Variants in RANBP2 observed in about 807,000 individuals in gnomAD.
The protein encoded by RANBP2 is E3 SUMO-protein ligase RanBP2.
In RANBP2, 57 loss-of-function variants were observed where a neutral mutation model predicts 303.6. The observed-to-expected ratio is 0.19, with a 90% CI of 0.15 to 0.23. The LOEUF is 0.23. Ranked by LOEUF, RANBP2 falls within the 10% of genes least tolerant of loss-of-function variation. The pLI is 1.00. For synonymous variants in RANBP2, 1,167 were observed against 1,301.5 expected (o/e 0.90, Z 2.23); for missense variants, 3,138 against 3,780.8 (o/e 0.83, Z 4.46).
the RANBP2 span, among the ~76,000 whole-genome samples, chr2:109,213,365 G>C: frequency 6.6e-6 from 1 of 152,170 alleles, no homozygotes; most frequent in Non-Finnish European, 1.5e-5. Flanking sequence ...GATAACTGCT[G>C]GGTGACAGGA....
chr2:109,636,309 AT>A, the RANBP2 span, among the ~76,000 whole-genome samples: 199 of 151,098 alleles, frequency 1.3e-3, 1 homozygote, highest in South Asian at 5.7e-3. Flanking sequence ...GCATACCAAG[AT>A]TTTTTTTTTC....
chr2:109,000,006 A>G, the RANBP2 span, among the ~76,000 whole-genome samples: 3 of 152,314 alleles, frequency 2.0e-5, no homozygotes, highest in African/African-American at 7.2e-5. Flanking sequence ...GCCTTCTCTA[A>G]GTTTTAGACA....
At chr2:109,020,776 A>G in the RANBP2 span, among the ~76,000 whole-genome samples, 1 of 152,260 alleles carries the variant, frequency 6.6e-6, no homozygotes, top group African/African-American at 2.4e-5. Flanking sequence ...CAGTCAAGGT[A>G]TTAGTCCAAA....
At chr2:109,166,471 A>AAAG in the RANBP2 span, among the ~76,000 whole-genome samples, 24 of 151,526 alleles carry the variant, frequency 1.6e-4, no homozygotes, top group South Asian at 2.1e-4. Context: ...AAAAAAAAAA[A>AAAG]AAAGAAAGAA....
chr2:109,188,737 T>G, the RANBP2 span, among the ~76,000 whole-genome samples: 2 of 152,198 alleles, frequency 1.3e-5, no homozygotes, highest in African/African-American at 4.8e-5. Flanking sequence ...GTGTGTGCTT[T>G]GAGACTCTGA....
the RANBP2 span, chr2:109,605,608 T>A: frequency 6.6e-6 from 1 of 152,202 alleles, no homozygotes; most frequent in Non-Finnish European, 1.5e-5. Flanking sequence ...TACCTGAGGA[T>A]AAGCTAAATA....
the RANBP2 span, chr2:108,839,010 TA>T: frequency 4.4e-6 from 1 of 225,052 alleles, no homozygotes; most frequent in Non-Finnish European, 7.4e-6. Flanking sequence ...ATATAAGAAC[TA>T]AAATACATAT....
the RANBP2 span, among the ~76,000 whole-genome samples, chr2:109,668,345 G>A: frequency 1.0e-4 from 1 of 10,028 alleles, no homozygotes; most frequent in South Asian, 8.1e-4. Flanking sequence ...CATTAGGGGT[G>A]AATGTTAGTG....
chr2:108,803,133 A>G, the RANBP2 span, among the ~76,000 whole-genome samples: 5 of 152,182 alleles, frequency 3.3e-5, no homozygotes, highest in Admixed American at 6.5e-5. Flanking sequence ...TTGTGCAGGT[A>G]AAGAGGCATT....
At chr2:109,129,075 C>G in the RANBP2 span, 496 of 379,508 alleles carry the variant, frequency 1.3e-3, 2 homozygotes, top group Non-Finnish European at 1.4e-3. Context: ...GGAGGTGCCG[C>G]GGGGGCGGTG....
At chr2:108,865,398 G>GA in the RANBP2 span, among the ~76,000 whole-genome samples, 4 of 152,248 alleles carry the variant, frequency 2.6e-5, no homozygotes, top group Admixed American at 2.0e-4. Context: ...ATTTCATTAG[G>GA]ATCAGTTTCT....
the RANBP2 span, among the ~76,000 whole-genome samples, chr2:109,386,492 TC>T: frequency 6.6e-6 from 1 of 152,178 alleles, no homozygotes; most frequent in Non-Finnish European, 1.5e-5. Context: ...AGGCGGGCTG[TC>T]CCTCAAACAA....
chr2:108,846,752 A>G, the RANBP2 span: 1 of 1,610,410 alleles, frequency 6.2e-7, no homozygotes, highest in South Asian at 1.1e-5. Flanking sequence ...CGACTATGAC[A>G]TCAACATTGA....
At chr2:108,927,567 G>C in the RANBP2 span, among the ~76,000 whole-genome samples, 9 of 152,174 alleles carry the variant, frequency 5.9e-5, no homozygotes, top group Non-Finnish European at 1.3e-4. Context: ...AGCCAGGCCA[G>C]AGCCAGCAGC....
At chr2:108,941,143 G>A in the RANBP2 span, among the ~76,000 whole-genome samples, 1 of 152,228 alleles carries the variant, frequency 6.6e-6, no homozygotes, top group African/African-American at 2.4e-5. Context: ...CCTGTGATGC[G>A]TCTGCGTTGT....
the RANBP2 span, among the ~76,000 whole-genome samples, chr2:108,965,436 A>G: frequency 0.67 from 100,841 of 149,620 alleles, 37,837 homozygotes; most frequent in Non-Finnish European, 0.86. Context: ...CTGCACTCCA[A>G]CCTGGGAGAC....
chr2:109,275,349 C>T, the RANBP2 span, among the ~76,000 whole-genome samples: 2 of 152,150 alleles, frequency 1.3e-5, no homozygotes, highest in Non-Finnish European at 2.9e-5. Flanking sequence ...TTTGTGATAA[C>T]GTTGATAAGT....
chr2:109,005,794 C>A, the RANBP2 span, among the ~76,000 whole-genome samples: 2 of 152,218 alleles, frequency 1.3e-5, no homozygotes, highest in Non-Finnish European at 2.9e-5. Context: ...TGGCTTTTGG[C>A]CGTTATCCCT....
At chr2:109,122,719 A>T in the RANBP2 span, among the ~76,000 whole-genome samples, 1 of 152,164 alleles carries the variant, frequency 6.6e-6, no homozygotes, top group Non-Finnish European at 1.5e-5. Context: ...AAATTAAAAA[A>T]AATTAGCCAG....
Sources: gnomAD v4.1 joint callset for allele counts (sites outside exome capture counted in the v4.1 genomes callset) on GRCh38, gnomAD v4.1.1 for gene constraint, MANE v1.5 for transcripts, NCBI Gene and HGNC (gene_info 2026-07-23, HGNC 2026-07-21) for gene names.